The following KIAA1328 variants were observed in gnomAD, a reference collection of about 807,000 sequenced individuals.
KIAA1328 encodes protein hinderin.
KIAA1328 carries 52 observed loss-of-function variants against 68.1 expected under a neutral mutation model. The ratio of observed to expected loss-of-function variants is 0.76; its 90% CI spans 0.61 to 0.96. The LOEUF (loss-of-function observed/expected upper bound fraction) is 0.96. Ranked by LOEUF, KIAA1328 falls within the 40% of genes least tolerant of loss-of-function variation. KIAA1328 has a pLI of 0.00. For missense variants in KIAA1328, 641 were observed against 677.6 expected (o/e 0.95, Z 0.60); for synonymous variants, 232 against 239.4 (o/e 0.97, Z 0.28).
At chr18:37,179,726 G>A in intron 9 of KIAA1328, among the ~76,000 whole-genome samples, 1 of 151,984 alleles carries the variant, frequency 6.6e-6, no homozygotes, top group Non-Finnish European at 1.5e-5. Flanking sequence ...TATCTTTATT[G>A]TTATCTTAAG....
chr18:37,167,475 A>G (rs569415330), intron 8 of KIAA1328, among the ~76,000 whole-genome samples: 56 of 152,170 alleles, frequency 3.7e-4, no homozygotes, highest in Admixed American at 1.4e-3. Context: ...TGGAGTGGGA[A>G]GGTAGTTTTA....
chr18:36,983,301 G>A (rs1333615024), intron 6 of KIAA1328, among the ~76,000 whole-genome samples: 1 of 152,000 alleles, frequency 6.6e-6, no homozygotes, highest in Non-Finnish European at 1.5e-5. Context: ...GAAAGCTGGA[G>A]TAACTGTATG....
At chr18:37,173,977 C>T (rs1300285590) in intron 9 of KIAA1328, among the ~76,000 whole-genome samples, 1 of 152,130 alleles carries the variant, frequency 6.6e-6, no homozygotes, top group African/African-American at 2.4e-5. Context: ...TTTGTCATTC[C>T]TTTAATTCTG....
intron 6 of KIAA1328, among the ~76,000 whole-genome samples, chr18:36,973,505 T>C (rs1232468792): frequency 6.6e-6 from 1 of 152,108 alleles, no homozygotes; most frequent in African/African-American, 2.4e-5. Context: ...TTTTTATGTT[T>C]TATGGCCATT....
At chr18:36,860,237 A>T (rs918297818) in intron 4 of KIAA1328, among the ~76,000 whole-genome samples, 7 of 152,158 alleles carry the variant, frequency 4.6e-5, no homozygotes, top group African/African-American at 1.4e-4. Context: ...GTTTAAAAGA[A>T]TACATGTTTT....
intron 5 of KIAA1328, among the ~76,000 whole-genome samples, chr18:36,913,847 A>G (rs997827602): frequency 2.0e-5 from 3 of 152,204 alleles, no homozygotes; most frequent in Non-Finnish European, 4.4e-5. Flanking sequence ...TGGAATCTGA[A>G]GAAGGGTCAC....
intron 6 of KIAA1328, among the ~76,000 whole-genome samples, chr18:37,026,695 A>T (rs1294553861): frequency 1.3e-5 from 2 of 152,154 alleles, no homozygotes; most frequent in Non-Finnish European, 2.9e-5. Context: ...AAAACCTCTC[A>T]ATGAACTAGG....
intron 5 of KIAA1328, among the ~76,000 whole-genome samples, chr18:36,957,831 C>T (rs749145648): frequency 2.6e-5 from 4 of 151,988 alleles, no homozygotes; most frequent in Non-Finnish European, 4.4e-5. Context: ...AAATAAAATT[C>T]ACCCTTTTGA....
At chr18:36,887,497 T>G (rs781119750) in intron 5 of KIAA1328, among the ~76,000 whole-genome samples, 8 of 152,156 alleles carry the variant, frequency 5.3e-5, no homozygotes, top group Admixed American at 1.3e-4. Flanking sequence ...GCATTACATT[T>G]CCATTAAGGC....
At chr18:37,167,272 T>C (rs561357160) in intron 8 of KIAA1328, among the ~76,000 whole-genome samples, 2 of 152,276 alleles carry the variant, frequency 1.3e-5, no homozygotes, top group African/African-American at 4.8e-5. Context: ...TTTTGCCGTC[T>C]ATAGGTGGCT....
rs186328804 is a variant in KIAA1328, at chr18:36,971,395, C to G, written c.576+11960C>G. Among the ~76,000 whole-genome samples, 5 of 152,134 alleles carry G rather than the reference C, an allele frequency of 3.3e-5. No homozygotes were observed. The East Asian group carries it at 9.7e-4, about 29-fold the overall frequency. ...TCACGACATAGGCACTTTGGGAAGC[C>G]GAGGTCAGTGGATCACCTGAGGTTG... On this transcript the variant is annotated intron_variant, in intron 6 of 9. Transcript: ENST00000280020.
At chr18:37,089,930 C>T (rs762402348) in intron 7 of KIAA1328, among the ~76,000 whole-genome samples, 1 of 152,134 alleles carries the variant, frequency 6.6e-6, no homozygotes, top group Non-Finnish European at 1.5e-5. Flanking sequence ...AAATCATTAC[C>T]ATCTTTCATG....
At position 37,225,276 on chromosome 18, in the gene KIAA1328, A is replaced by T; in HGVS notation, c.*3049A>T. 1.0e-6 allele frequency: 1 copy of T among 985,416 alleles called. No homozygotes were observed. Among genetic ancestry groups the T allele is most frequent in the Non-Finnish European group, 1.2e-6 (1 of 829,930 alleles). 61.0% of individuals were successfully genotyped at this position (985,416 alleles called of 1,614,324 possible). ...CAGAGTGTATTTTGAATATGAGCAA[A>T]TGTTTATGTACGTATGAGATTTCAA... On this transcript the variant is annotated 3_prime_UTR_variant, in exon 10 of 10. Transcript: ENST00000280020.
intron 7 of KIAA1328, among the ~76,000 whole-genome samples, chr18:37,078,116 G>T (rs1417285943): frequency 2.6e-5 from 4 of 152,138 alleles, no homozygotes; most frequent in Non-Finnish European, 4.4e-5. Context: ...GCATGGTACT[G>T]GTACCAAAAC....
intron 4 of KIAA1328, among the ~76,000 whole-genome samples, chr18:36,865,659 G>T (rs1312755602): frequency 6.6e-6 from 1 of 150,742 alleles, no homozygotes. Context: ...TCTTTATTTT[G>T]CTGAAACTCT....
intron 6 of KIAA1328, among the ~76,000 whole-genome samples, chr18:37,002,381 A>G (rs1281029791): frequency 2.0e-5 from 3 of 150,962 alleles, no homozygotes; most frequent in Non-Finnish European, 4.4e-5. Context: ...GATAATTTTT[A>G]ATTTTTTTAT....
intron 6 of KIAA1328, among the ~76,000 whole-genome samples, chr18:36,974,106 T>C (rs541452793): frequency 6.6e-6 from 1 of 152,198 alleles, no homozygotes; most frequent in Non-Finnish European, 1.5e-5. Flanking sequence ...GGTTGTTTGC[T>C]CTTATATCTG....
intron 5 of KIAA1328, chr18:36,924,868 G>C (rs955163801): frequency 1.3e-5 from 2 of 152,164 alleles, no homozygotes; most frequent in African/African-American, 4.8e-5. Context: ...GTCCAGAGAA[G>C]TCATATAAAA....
chr18:37,093,873 A>C (rs1241808243), intron 7 of KIAA1328, among the ~76,000 whole-genome samples: 2 of 152,232 alleles, frequency 1.3e-5, no homozygotes, highest in African/African-American at 2.4e-5. Flanking sequence ...AAAGGCAAAG[A>C]ATTAAAAATC....
Sources: gnomAD v4.1 joint callset for allele counts (sites outside exome capture counted in the v4.1 genomes callset) on GRCh38, gnomAD v4.1.1 for gene constraint, MANE v1.5 for transcripts, NCBI Gene and HGNC (gene_info 2026-07-23, HGNC 2026-07-21) for gene names.